The following ZNF256 variants were observed in gnomAD, a reference collection of about 807,000 sequenced individuals.
ZNF256 encodes the protein bone marrow zinc finger 3.
In ZNF256, 4 loss-of-function variants were observed where a neutral mutation model predicts 7.9. The ratio of observed to expected loss-of-function variants is 0.50; its 90% CI spans 0.25 to 1.15. The LOEUF (loss-of-function observed/expected upper bound fraction) is 1.15. Ranked by LOEUF, ZNF256 falls within the 50% of genes most tolerant of loss-of-function variation. The pLI, the probability that ZNF256 is intolerant of heterozygous loss-of-function variation, is 0.15. For missense variants in ZNF256, 666 were observed against 755.9 expected (o/e 0.88, Z 1.39); for synonymous variants, 260 against 260.4 (o/e 1.00, Z 0.02).
At chr19:57,944,107 G>A (rs776778084) in intron 1 of ZNF256, 47 bp from the exon 2 acceptor site, 1 of 1,609,676 alleles carries the variant, frequency 6.2e-7, no homozygotes, top group Non-Finnish European at 8.5e-7. Context: ...CCTCCTCTCA[G>A]GATCCATAAT....
chr19:57,941,606 T>C lies in ZNF256; in HGVS notation c.1202A>G (p.His401Arg), dbSNP rs1216800903. The change falls in exon 3 of 3, where the codon CAC becomes CGC. Residue 401 changes from histidine to arginine, a missense_variant. Transcript: ENST00000282308. ...ACACTCATAAGGCCCTTCTCCAATG[T>C]GAAGTCTCCGGTGTTTAATGAGGTG... ...SCHLIKHRRLHIGEGPYECSE... is the reference protein window; with the variant it reads ...SCHLIKHRRLRIGEGPYECSE... 4 of 1,614,180 alleles carry C rather than the reference T, an allele frequency of 2.5e-6. No homozygotes were observed. In the South Asian group the frequency reaches 4.4e-5, roughly 18 times the overall value.
intron 1 of ZNF256, among the ~76,000 whole-genome samples, chr19:57,946,910 A>G (rs2072769860): frequency 6.6e-6 from 1 of 152,214 alleles, no homozygotes; most frequent in East Asian, 1.9e-4. Flanking sequence ...CATGGCTGCC[A>G]GAAATTGGAA....
At chr19:57,943,426 T>C (rs1399246527) in intron 2 of ZNF256, among the ~76,000 whole-genome samples, 2 of 152,018 alleles carry the variant, frequency 1.3e-5, no homozygotes, top group African/African-American at 2.4e-5. Context: ...AACACGGAAC[T>C]TGGAATATGC....
At chr19:57,944,182 G>C in intron 1 of ZNF256, 122 bp from the exon 2 acceptor site, 1 of 1,442,340 alleles carries the variant, frequency 6.9e-7, no homozygotes, top group Non-Finnish European at 9.4e-7. Context: ...CCCCAGCTCA[G>C]AGGAGAAAGC....
In ZNF256 at chr19:57,940,835, A is replaced by G; in HGVS notation, c.*89T>C. On this transcript the variant is annotated 3_prime_UTR_variant, in exon 3 of 3. Transcript: ENST00000282308. The stretch of plus-strand genomic sequence containing the variant: ...CATATACTAAATATAAAACATGGTT[A>G]TTGAAAATACGTATTTATTTATTTA... 1.4e-6 allele frequency: 2 copies of G among 1,393,272 alleles called. No individual in the cohort carries two copies. The highest frequency in any genetic ancestry group is 1.5e-5 in the South Asian group (1 of 68,640). 86.3% of individuals were successfully genotyped at this position (1,393,272 alleles called of 1,614,324 possible).
intron 1 of ZNF256, among the ~76,000 whole-genome samples, chr19:57,946,100 C>T (rs544205468): frequency 4.6e-5 from 7 of 152,218 alleles, no homozygotes; most frequent in Admixed American, 1.3e-4. Context: ...CTGTCTTTTA[C>T]ATACCTTGCC....
In ZNF256 at chr19:57,941,026, CTGG is replaced by C. The variant is rs772931558; in HGVS notation, c.1779_1781del (p.His593del). ...AAGGCCTTTCCCCACTGTGAATTCG[CTGG>C]TGATTAGTGAGGTTAGAGCTCTGGC... On this transcript the variant is annotated inframe_deletion, in exon 3 of 3. Coordinates refer to ENST00000282308, the MANE Select transcript of ZNF256 (RefSeq NM_005773.3). The C allele has an allele frequency of 1.9e-6, 3 of 1,614,054 alleles. No individual in the cohort carries two copies. The highest frequency in any genetic ancestry group is 2.7e-5 in the African/African-American group (2 of 74,912).
At position 57,942,210 on chromosome 19, in the gene ZNF256, T is replaced by G; in HGVS notation, c.598A>C (p.Ser200Arg). 1 of 1,614,236 alleles carries G rather than the reference T, an allele frequency of 6.2e-7. No homozygotes were observed. Among genetic ancestry groups the G allele is most frequent in the Non-Finnish European group, 8.5e-7 (1 of 1,180,032 alleles). Reference protein sequence around the residue: ...HTRKKSNRTKSAVAFHSVKNH... With the variant: ...HTRKKSNRTKRAVAFHSVKNH... ...TTTACACTGTGAAAGGCCACTGCAC[T>G]CTTGGTTCTGTTTGACTTCTTTCTG... The change falls in exon 3 of 3, where the codon AGT (serine) becomes CGT (arginine). Residue 200 changes from serine to arginine, a missense_variant. Coordinates refer to ENST00000282308, the MANE Select transcript of ZNF256 (RefSeq NM_005773.3).
chr19:57,941,123 A>G lies in ZNF256; in HGVS notation c.1685T>C (p.Leu562Pro). Residue 562 changes from leucine to proline, a missense_variant, in exon 3 of 3, where the codon CTC becomes CCC. Transcript: ENST00000282308. ...GGTATGAACTCTTCGGTGTTTAACG[A>G]GGCTAGAGTGGTTACTAAAGGATTT... ...CWKSFSNHSS[L>P]VKHRRVHTGE... is the part of the protein sequence containing the mutation. The G allele has an allele frequency of 6.2e-7, 1 of 1,614,138 alleles. No homozygotes were observed. The highest frequency in any genetic ancestry group is 2.2e-5 in the East Asian group (1 of 44,880).
chr19:57,940,925 T>C lies in ZNF256; in HGVS notation c.1883A>G (p.Ter628=), dbSNP rs778052637. 2.5e-6 allele frequency: 4 copies of C among 1,612,400 alleles called. No individual in the cohort carries two copies. The highest frequency in any genetic ancestry group is 3.4e-6 in the Non-Finnish European group (4 of 1,178,718). ...LLKHQNVHKG[*] ...AGCCCTATGTGTGTTACCTAACCTT[T>C]ATCCCTTGTGAACGTTCTGATGTTT... Residue 628 remains the stop codon, a stop_retained_variant, in exon 3 of 3, where the codon TAA becomes TGA. Transcript: ENST00000282308.
At position 57,942,291 on chromosome 19, in the gene ZNF256, C is replaced by T; in HGVS notation, c.517G>A (p.Val173Ile). 1 of 1,614,234 alleles carries T rather than the reference C, an allele frequency of 6.2e-7. No homozygotes were observed. Among genetic ancestry groups the T allele is most frequent in the Non-Finnish European group, 8.5e-7 (1 of 1,180,040 alleles). ...VSGKPFTCKE[V>I]GKDFLVRSRF... is the part of the protein sequence containing the mutation. ...GATCTCACCAGGAAATCCTTCCCAA[C>T]CTCCTTGCAAGTGAAGGGCTTCCCA... Residue 173 changes from valine (V) to isoleucine (I), a missense_variant, in exon 3 of 3, where the codon GTT becomes ATT. Coordinates refer to ENST00000282308, the MANE Select transcript of ZNF256 (RefSeq NM_005773.3).
At chr19:57,946,808 A>T (rs891611870) in intron 1 of ZNF256, among the ~76,000 whole-genome samples, 1 of 152,130 alleles carries the variant, frequency 6.6e-6, no homozygotes, top group Non-Finnish European at 1.5e-5. Context: ...AAGCAAGGAG[A>T]CTTGTGGCTT....
chr19:57,943,575 A>G (rs1193318234), intron 2 of ZNF256, among the ~76,000 whole-genome samples: 1 of 152,232 alleles, frequency 6.6e-6, no homozygotes, highest in African/African-American at 2.4e-5. Flanking sequence ...GTCAGTGATG[A>G]TAATTGCTGG....
chr19:57,947,650 G>A lies in ZNF256; in HGVS notation c.-176C>T. 3.7e-6 allele frequency: 2 copies of A among 545,906 alleles called. No homozygotes were observed. The highest frequency in any genetic ancestry group is 2.0e-4 in the South Asian group (2 of 9,984). The allele number at this position is 545,906 out of a possible 1,614,324, so 33.8% of individuals were successfully genotyped here. A position where few individuals can be genotyped will look rare whatever the true frequency, so the allele number is the denominator to read the frequency against. On this transcript the variant is annotated 5_prime_UTR_variant, in exon 1 of 3. Transcript: ENST00000282308. The stretch of plus-strand genomic sequence containing the variant: ...CCAGCGCTCCGGGGCTTTCTACCAA[G>A]TAATCAGTCCAGACAAATGCCAAAA...
chr19:57,946,790 C>T (rs1225343862), intron 1 of ZNF256, among the ~76,000 whole-genome samples: 1 of 152,208 alleles, frequency 6.6e-6, no homozygotes, highest in Non-Finnish European at 1.5e-5. Context: ...TCTTTGCTTC[C>T]CACCAGAAAG....
chr19:57,942,972 T>C (rs979087654), intron 2 of ZNF256, among the ~76,000 whole-genome samples: 2 of 152,220 alleles, frequency 1.3e-5, no homozygotes, highest in African/African-American at 4.8e-5. Context: ...TACAGGTATG[T>C]GTCCAGGCCC....
Position 57,942,037 on chromosome 19 carries a change from A to G in ZNF256, c.771T>C (p.His257=). The change falls in exon 3 of 3, where the codon CAT becomes CAC. Residue 257 remains histidine (H), a synonymous_variant. Transcript: ENST00000282308. The stretch of plus-strand genomic sequence containing the variant: ...GCTTTTCTGAAGTGTGAACTCTCAA[A>G]TGATCACTGAGGCTACAGCTTGTGC... The part of the protein sequence containing the change: ...SFSTSCSLSD[H]LRVHTSEKPY... 6.2e-7 allele frequency: 1 copy of G among 1,613,254 alleles called. No homozygotes were observed. The highest frequency in any genetic ancestry group is 2.2e-5 in the East Asian group (1 of 44,756).
intron 1 of ZNF256, among the ~76,000 whole-genome samples, chr19:57,947,154 G>C (rs993815823): frequency 3.3e-5 from 5 of 152,208 alleles, no homozygotes; most frequent in African/African-American, 1.2e-4. Flanking sequence ...ATCTATGGCG[G>C]TATTAGATGG....
chr19:57,943,896 G>T (rs185045477), intron 2 of ZNF256, 38 bp downstream of exon 2: 2 of 1,609,084 alleles, frequency 1.2e-6, no homozygotes, highest in South Asian at 1.1e-5. Flanking sequence ...AAGAGCAAAG[G>T]CTAGCTCGGG....
Sources: allele counts gnomAD v4.1 joint callset (sites outside exome capture counted in the v4.1 genomes callset), GRCh38; gene constraint gnomAD v4.1.1; transcripts MANE v1.5; gene names NCBI Gene and HGNC (gene_info 2026-07-23, HGNC 2026-07-21).